SPATA18: variants seen among roughly 807,000 people sequenced by gnomAD.
SPATA18 encodes the protein mitochondria-eating protein.
Under a neutral mutation model 68.1 loss-of-function variants are expected in SPATA18, and 54 were observed. That is an observed-to-expected ratio of 0.79 (90% confidence interval 0.64 to 0.99). The LOEUF (loss-of-function observed/expected upper bound fraction) is 0.99. SPATA18 is among the 50% of genes least tolerant of loss of function. The pLI, the probability that SPATA18 is intolerant of heterozygous loss-of-function variation, is 0.00. For synonymous variants in SPATA18, 242 were observed against 244.8 expected (o/e 0.99, Z 0.11); for missense variants, 724 against 681.1 (o/e 1.06, Z -0.70).
chr4:52,070,695 TAAAA>T (rs531664195), intron 5 of SPATA18, among the ~76,000 whole-genome samples: 7 of 151,728 alleles, frequency 4.6e-5, no homozygotes, highest in Non-Finnish European at 1.0e-4. Context: ...AATAATAAAA[TAAAA>T]AAAGAGTGAA....
rs1020948215 is a variant in SPATA18 at position 52,096,504 on chromosome 4, A to C, written c.*1617A>C. On this transcript the variant is annotated 3_prime_UTR_variant, in exon 13 of 13. Transcript: ENST00000295213. ...TCATCTATGTGCATGTATAATTTTA[A>C]GCAGTGAACATAGTACCCTAACTAT... is the stretch of plus-strand genomic sequence containing the variant. The C allele has an allele frequency of 2.0e-5, 3 of 152,184 alleles. No homozygotes were observed. The highest frequency in any genetic ancestry group is 4.4e-5 in the Non-Finnish European group (3 of 68,026). 9.4% of individuals were successfully genotyped at this position (152,184 alleles called of 1,614,324 possible). A position where few individuals can be genotyped will look rare whatever the true frequency, so the allele number is the denominator to read the frequency against.
chr4:52,077,121 A>C (rs1740442836), intron 7 of SPATA18, 81 bp downstream of exon 7: 2 of 1,445,720 alleles, frequency 1.4e-6, no homozygotes. Flanking sequence ...CAACTTACAA[A>C]GACTAGTGGA....
rs61796786 is a variant in SPATA18, at chr4:52,062,206, G to C, written c.310-14G>C. On this transcript the variant is annotated splice_polypyrimidine_tract_variant and intron_variant, in intron 3 of 12. Coordinates refer to ENST00000295213, the MANE Select transcript of SPATA18 (RefSeq NM_145263.4). ...AGACTGTTTTTTTTTTTTTTTTTTG[G>C]TGTATCTTTCCAGGACACGTTTGAT... The C allele has an allele frequency of 1.0e-6, 1 of 985,750 alleles. No homozygotes were observed. Among genetic ancestry groups the C allele is most frequent in the Non-Finnish European group, 1.4e-6 (1 of 733,490 alleles). 61.1% of individuals were successfully genotyped at this position (985,750 alleles called of 1,614,324 possible). A position where few individuals can be genotyped will look rare whatever the true frequency, so the allele number is the denominator to read the frequency against.
chr4:52,054,256 A>C (rs1738142616), intron 1 of SPATA18, among the ~76,000 whole-genome samples: 2 of 152,236 alleles, frequency 1.3e-5, no homozygotes. Flanking sequence ...AGATGTGGAC[A>C]TGCTTCTGCT....
chr4:52,086,368 T>TTG (rs1741435795), intron 11 of SPATA18, among the ~76,000 whole-genome samples: 2 of 152,182 alleles, frequency 1.3e-5, no homozygotes, highest in Non-Finnish European at 2.9e-5. Context: ...CATCAACCAA[T>TTG]CGCCTACATT....
Position 52,063,296 on chromosome 4 carries a change from C to A in SPATA18, c.422+964C>A, listed in dbSNP as rs1474147684. Among the ~76,000 whole-genome samples, 4 of 152,228 alleles carry A rather than the reference C, an allele frequency of 2.6e-5. No individual in the cohort carries two copies. In the East Asian group the frequency reaches 5.8e-4, roughly 22 times the overall value. The stretch of plus-strand genomic sequence containing the variant: ...CTGATTATAAAAGTAATACAAATTT[C>A]TTTCTCAAAATGCATACAACAAATA... On this transcript the variant is annotated intron_variant, in intron 4 of 12. Transcript: ENST00000295213.
At chr4:52,067,953 T>C (rs1315695742) in intron 4 of SPATA18, among the ~76,000 whole-genome samples, 11 of 152,190 alleles carry the variant, frequency 7.2e-5, no homozygotes, top group Admixed American at 7.2e-4. Flanking sequence ...AACAAAACAT[T>C]TAAATAGAAC....
chr4:52,091,269 C>T (rs1002019624), intron 11 of SPATA18, among the ~76,000 whole-genome samples: 1 of 151,974 alleles, frequency 6.6e-6, no homozygotes, highest in Non-Finnish European at 1.5e-5. Context: ...TTATTACCAT[C>T]GTTCTGAAGC....
intron 4 of SPATA18, among the ~76,000 whole-genome samples, chr4:52,063,080 C>T (rs780785401): frequency 6.6e-6 from 1 of 152,054 alleles, no homozygotes; most frequent in Non-Finnish European, 1.5e-5. Flanking sequence ...TAACAAAAAT[C>T]CATCAATGGG....
At chr4:52,077,185 T>TTC in intron 7 of SPATA18, 145 bp downstream of exon 7, 1 of 869,752 alleles carries the variant, frequency 1.1e-6, no homozygotes, top group Non-Finnish European at 1.7e-6. Flanking sequence ...GTCTCCTTCC[T>TTC]TCTCTTTCTT....
Position 52,069,854 on chromosome 4 carries a change from C to A in SPATA18, c.456C>A (p.Ser152Arg). Residue 152 changes from serine to arginine, a missense_variant, in exon 5 of 13, where the codon AGC (serine) becomes AGA (arginine). Coordinates refer to ENST00000295213, the MANE Select transcript of SPATA18 (RefSeq NM_145263.4). ...LVETEKNLEE[S>R]KNRSAISLLA... ...AAACTGAAAAGAATCTTGAAGAAAG[C>A]AAGAACAGATCGGCCATATCCCTTT... is the stretch of plus-strand genomic sequence containing the variant. 1 of 1,594,602 alleles carries A rather than the reference C, an allele frequency of 6.3e-7. No individual in the cohort carries two copies. The highest frequency in any genetic ancestry group is 8.6e-7 in the Non-Finnish European group (1 of 1,167,972).
At position 52,051,393 on chromosome 4, in the gene SPATA18, C is replaced by A. The variant is rs1397845074; in HGVS notation, c.-312C>A. ...GGCCGCGCGCGTCCCTGGCAGCCAACCCGTCCACGTCAAGGTTTGTTTAAT... is the reference window on the plus strand; with the variant it reads ...GGCCGCGCGCGTCCCTGGCAGCCAAACCGTCCACGTCAAGGTTTGTTTAAT... On this transcript the variant is annotated 5_prime_UTR_variant, in exon 1 of 13. Transcript: ENST00000295213. 7.1e-6 allele frequency: 2 copies of A among 281,054 alleles called. No homozygotes were observed. The highest frequency in any genetic ancestry group is 1.3e-5 in the Non-Finnish European group (2 of 152,158). The allele number at this position is 281,054 out of a possible 1,614,324, so 17.4% of individuals were successfully genotyped here. A position where few individuals can be genotyped will look rare whatever the true frequency, so the allele number is the denominator to read the frequency against.
At chr4:52,070,882 G>C (rs756263679) in intron 5 of SPATA18, among the ~76,000 whole-genome samples, 1 of 54,538 alleles carries the variant, frequency 1.8e-5, no homozygotes, top group Non-Finnish European at 3.5e-5. Flanking sequence ...AGAGTAAGTG[G>C]GGGGGGGGGT....
chr4:52,056,508 T>G (rs1332678460), intron 1 of SPATA18, among the ~76,000 whole-genome samples: 3 of 152,144 alleles, frequency 2.0e-5, no homozygotes, highest in African/African-American at 7.2e-5. Flanking sequence ...GATCAGTAAT[T>G]ATTAGGTACC....
At chr4:52,088,903 G>T (rs536268015) in intron 11 of SPATA18, among the ~76,000 whole-genome samples, 40 of 152,148 alleles carry the variant, frequency 2.6e-4, no homozygotes, top group African/African-American at 9.6e-4. Flanking sequence ...CTGTGAATCC[G>T]TCTGGTCCTG....
Position 52,096,045 on chromosome 4 carries a change from T to G in SPATA18, c.*1158T>G, listed in dbSNP as rs1034291539. On this transcript the variant is annotated 3_prime_UTR_variant, in exon 13 of 13. Coordinates refer to ENST00000295213, the MANE Select transcript of SPATA18 (RefSeq NM_145263.4). Reference sequence around the variant, plus strand: ...GGCCTCAGCTCAGTTTTGCATAAGCTTAGTGCCAGAACCAGCACCTGATGC... The same window carrying G: ...GGCCTCAGCTCAGTTTTGCATAAGCGTAGTGCCAGAACCAGCACCTGATGC... The G allele has an allele frequency of 4.6e-5, 7 of 152,188 alleles. No individual in the cohort carries two copies. Among genetic ancestry groups the G allele is most frequent in the Non-Finnish European group, 1.0e-4 (7 of 68,048 alleles). The allele number at this position is 152,188 out of a possible 1,614,324, so 9.4% of individuals were successfully genotyped here.
At chr4:52,082,831 G>T (rs1741064400) in intron 10 of SPATA18, 1 of 985,036 alleles carries the variant, frequency 1.0e-6, no homozygotes, top group Non-Finnish European at 1.2e-6. Flanking sequence ...TAGGAGGATT[G>T]CCATAATCCT....
At chr4:52,085,562 C>A (rs899197795) in intron 11 of SPATA18, among the ~76,000 whole-genome samples, 1 of 152,042 alleles carries the variant, frequency 6.6e-6, no homozygotes, top group Non-Finnish European at 1.5e-5. Flanking sequence ...AAGATAACAT[C>A]CCTAAAAACA....
intron 11 of SPATA18, among the ~76,000 whole-genome samples, chr4:52,091,536 G>C (rs1464750666): frequency 6.6e-6 from 1 of 152,168 alleles, no homozygotes; most frequent in Non-Finnish European, 1.5e-5. Context: ...CCCCTCTGCT[G>C]TCAGCCTGCT....
Sources: gnomAD v4.1 joint callset for allele counts (sites outside exome capture counted in the v4.1 genomes callset) on GRCh38, gnomAD v4.1.1 for gene constraint, MANE v1.5 for transcripts, NCBI Gene and HGNC (gene_info 2026-07-23, HGNC 2026-07-21) for gene names.